ACSS3: variants seen among roughly 807,000 people sequenced by gnomAD.
ACSS3 encodes the protein acyl-CoA synthetase short chain family member 3, also known as acyl-CoA synthetase short-chain family member 3, mitochondrial.
A neutral mutation model predicts 84.2 loss-of-function variants in ACSS3; 64 were observed. That is an observed-to-expected ratio of 0.76 (90% CI 0.62 to 0.94). The LOEUF (loss-of-function observed/expected upper bound fraction) is 0.94. Among genes scored for constraint, ACSS3 ranks in the 40% least tolerant of loss-of-function variants. ACSS3 has a pLI of 0.00. For synonymous variants in ACSS3, 317 were observed against 310.1 expected, an observed-to-expected ratio of 1.02 and a Z score of -0.23; for missense variants, 815 against 867.6, an observed-to-expected ratio of 0.94 and a Z score of 0.76.
chr12:81,201,461 C>T (rs1284780841), intron 9 of ACSS3, among the ~76,000 whole-genome samples: 1 of 152,098 alleles, frequency 6.6e-6, no homozygotes, highest in Non-Finnish European at 1.5e-5. Flanking sequence ...TTATAGACAC[C>T]TTTGTACATA....
At chr12:81,192,358 C>T (rs781222887) in intron 8 of ACSS3, among the ~76,000 whole-genome samples, 3 of 151,734 alleles carry the variant, frequency 2.0e-5, no homozygotes, top group South Asian at 2.1e-4. Context: ...GCAGCCCGGG[C>T]GACAGAGCAA....
At chr12:81,120,751 A>C (rs1439219420) in intron 2 of ACSS3, among the ~76,000 whole-genome samples, 1 of 152,190 alleles carries the variant, frequency 6.6e-6, no homozygotes, top group East Asian at 1.9e-4. Flanking sequence ...TGAATAAATC[A>C]ATATAGGTTG....
chr12:81,120,713 A>G (rs545448730), intron 2 of ACSS3, among the ~76,000 whole-genome samples: 1 of 152,208 alleles, frequency 6.6e-6, no homozygotes, highest in African/African-American at 2.4e-5. Context: ...CACTGGGTAG[A>G]TATATGTAAT....
chr12:81,137,507 A>G (rs558637723), intron 3 of ACSS3, among the ~76,000 whole-genome samples: 1 of 152,198 alleles, frequency 6.6e-6, no homozygotes, highest in East Asian at 1.9e-4. Flanking sequence ...TGAAATTAGG[A>G]ATGATTTTGA....
chr12:81,177,744 G>C (rs188189840), intron 8 of ACSS3, among the ~76,000 whole-genome samples: 7 of 152,234 alleles, frequency 4.6e-5, no homozygotes, highest in African/African-American at 1.7e-4. Flanking sequence ...CAGAGAAATG[G>C]AAATCAAAAC....
chr12:81,253,776 T>C, intron 15 of ACSS3, 106 bp downstream of exon 15: 1 of 1,112,808 alleles, frequency 9.0e-7, no homozygotes, highest in Non-Finnish European at 1.3e-6. Context: ...ATTGCATCTC[T>C]AGAAAACACA....
At chr12:81,168,318 G>A (rs1301254430) in intron 7 of ACSS3, among the ~76,000 whole-genome samples, 1 of 152,028 alleles carries the variant, frequency 6.6e-6, no homozygotes, top group African/African-American at 2.4e-5. Flanking sequence ...TGTTTTGAGA[G>A]GCTTTCATAT....
chr12:81,178,860 G>A lies in ACSS3; in HGVS notation c.1250+3921G>A, dbSNP rs148636477. On this transcript the variant is annotated intron_variant, in intron 8 of 15. Transcript: ENST00000548058. ...CAAAGCAATTTGAAACAAAAAGAAC[G>A]AAGCCAGAGGCATTATACTACCTGA... Among the ~76,000 whole-genome samples the A allele has an allele frequency of 6.8e-3, 1,041 of 152,174 alleles. 7 individuals carry two copies. Among genetic ancestry groups the A allele is most frequent in the Middle Eastern group, 0.02 (6 of 294 alleles).
chr12:81,190,296 A>G lies in ACSS3; in HGVS notation c.1251-9045A>G, dbSNP rs2031498391. Among the ~76,000 whole-genome samples the G allele has an allele frequency of 2.6e-5, 4 of 152,038 alleles. No individual in the cohort carries two copies. In the South Asian group the frequency reaches 8.3e-4, roughly 32 times the overall value. On this transcript the variant is annotated intron_variant, in intron 8 of 15. Coordinates refer to ENST00000548058, the MANE Select transcript of ACSS3 (RefSeq NM_024560.4). ...AAGTATATCTCTTTGTTTATTTAGG[A>G]CTTTAATTTCACTCATTAATGATTT...
At chr12:81,098,805 C>T (rs965151961) in intron 1 of ACSS3, among the ~76,000 whole-genome samples, 8 of 152,200 alleles carry the variant, frequency 5.3e-5, no homozygotes, top group Admixed American at 1.3e-4. Flanking sequence ...CATCCATCAG[C>T]TCCTTACCAC....
intron 9 of ACSS3, among the ~76,000 whole-genome samples, chr12:81,208,405 T>C (rs1565720923): frequency 2.0e-5 from 3 of 152,166 alleles, no homozygotes; most frequent in Non-Finnish European, 4.4e-5. Flanking sequence ...CATTCACATC[T>C]AGTTTCCTTT....
chr12:81,081,846 G>A (rs552061246), intron 1 of ACSS3, among the ~76,000 whole-genome samples: 83 of 152,268 alleles, frequency 5.5e-4, no homozygotes, highest in Non-Finnish European at 9.6e-4. Context: ...TAACATTTCT[G>A]TAGTCAAGAT....
chr12:81,084,670 G>GA (rs200284266), intron 1 of ACSS3, among the ~76,000 whole-genome samples: 75 of 150,170 alleles, frequency 5.0e-4, no homozygotes, highest in African/African-American at 1.5e-3. Context: ...AAAAGTGGGA[G>GA]AAAAAAAAAC....
At chr12:81,104,497 C>A (rs913471381) in intron 1 of ACSS3, among the ~76,000 whole-genome samples, 4 of 151,996 alleles carry the variant, frequency 2.6e-5, no homozygotes. Context: ...GACATTGCCT[C>A]CTCCCTTGGT....
In ACSS3 at chr12:81,135,013, T is replaced by C. The variant is rs1388126483; in HGVS notation, c.645+9T>C. The C allele has an allele frequency of 9.0e-6, 14 of 1,561,852 alleles. No individual in the cohort carries two copies. The highest frequency in any genetic ancestry group is 1.2e-5 in the Non-Finnish European group (14 of 1,149,698). ...GCATTGATCATGTAAAGGTAAGTGC[T>C]TTATTTTGGGAAATCAAGTAGTAGC... On this transcript the variant is annotated intron_variant, in intron 3 of 15. Coordinates refer to ENST00000548058, the MANE Select transcript of ACSS3 (RefSeq NM_024560.4).
upstream of ACSS3, chr12:81,077,998 A>G: frequency 8.3e-7 from 1 of 1,199,316 alleles, no homozygotes; most frequent in Non-Finnish European, 1.1e-6. Context: ...GTGGCTTCCA[A>G]ACTTCTGGGC....
chr12:81,112,781 T>A (rs1883715522), intron 2 of ACSS3, among the ~76,000 whole-genome samples: 2 of 152,282 alleles, frequency 1.3e-5, no homozygotes, highest in East Asian at 3.9e-4. Flanking sequence ...ACATTACTTG[T>A]TTTACTCTCC....
chr12:81,131,910 T>C (rs1042296398), intron 2 of ACSS3, among the ~76,000 whole-genome samples: 1 of 152,150 alleles, frequency 6.6e-6, no homozygotes, highest in African/African-American at 2.4e-5. Flanking sequence ...TTTGGTTCTG[T>C]TTATGTGATG....
chr12:81,229,121 T>A (rs1229928868), intron 11 of ACSS3, among the ~76,000 whole-genome samples: 1 of 151,770 alleles, frequency 6.6e-6, no homozygotes, highest in African/African-American at 2.4e-5. Context: ...CACAGATACC[T>A]CTTCTTTTTC....
Sources: gnomAD v4.1 joint callset for allele counts (sites outside exome capture counted in the v4.1 genomes callset) on GRCh38, gnomAD v4.1.1 for gene constraint, MANE v1.5 for transcripts, NCBI Gene and HGNC (gene_info 2026-07-23, HGNC 2026-07-21) for gene names.